ADAMTSL3: variants seen among roughly 807,000 people sequenced by gnomAD.
ADAMTSL3 encodes ADAMTS like 3.
ADAMTSL3 carries 128 observed loss-of-function variants against 201.7 expected under a neutral mutation model. The observed-to-expected ratio is 0.63, with a 90% CI of 0.55 to 0.73. ADAMTSL3 has a LOEUF of 0.73. Among genes scored for constraint, ADAMTSL3 ranks in the 30% least tolerant of loss-of-function variants. The pLI is 0.00. For missense variants in ADAMTSL3, 1,990 were observed against 2,119.6 expected (o/e 0.94, Z 1.20); for synonymous variants, 738 against 748.4 (o/e 0.99, Z 0.23).
chr15:84,029,389 T>C (rs1025587480), intron 27 of ADAMTSL3, among the ~76,000 whole-genome samples: 2 of 152,222 alleles, frequency 1.3e-5, no homozygotes, highest in African/African-American at 4.8e-5. Flanking sequence ...GCAAAGAGAA[T>C]GGAGGCATTT....
chr15:83,806,899 T>C (rs1470654515), intron 5 of ADAMTSL3, among the ~76,000 whole-genome samples: 3 of 152,010 alleles, frequency 2.0e-5, no homozygotes, highest in East Asian at 1.9e-4. Context: ...CAAGAAACTT[T>C]AGAAAGCAAA....
chr15:83,852,514 T>C (rs752417612), intron 7 of ADAMTSL3, among the ~76,000 whole-genome samples: 60 of 152,374 alleles, frequency 3.9e-4, no homozygotes, highest in Non-Finnish European at 7.3e-4. Flanking sequence ...TTACAACAAC[T>C]TTGTACTTTT....
chr15:83,747,675 C>G (rs549804447), intron 3 of ADAMTSL3, among the ~76,000 whole-genome samples: 2 of 152,236 alleles, frequency 1.3e-5, no homozygotes, highest in Admixed American at 1.3e-4. Flanking sequence ...TTGGCCCTAA[C>G]TGTTCATCAT....
intron 6 of ADAMTSL3, among the ~76,000 whole-genome samples, chr15:83,835,425 T>G (rs2064248887): frequency 6.6e-6 from 1 of 152,048 alleles, no homozygotes; most frequent in African/African-American, 2.4e-5. Flanking sequence ...TTGGATGAAT[T>G]GTAACTTAAA....
At chr15:83,973,593 T>G (rs1338937926) in intron 20 of ADAMTSL3, among the ~76,000 whole-genome samples, 3 of 152,224 alleles carry the variant, frequency 2.0e-5, no homozygotes, top group African/African-American at 7.2e-5. Flanking sequence ...CTTTGTGCCC[T>G]ATTTTCTAAG....
chr15:83,787,425 G>T (rs2063282109), intron 4 of ADAMTSL3, among the ~76,000 whole-genome samples: 1 of 152,276 alleles, frequency 6.6e-6, no homozygotes, highest in South Asian at 2.1e-4. Context: ...CATGACTATA[G>T]TATGGGTCTG....
At chr15:83,723,810 G>A (rs1008504762) in intron 3 of ADAMTSL3, among the ~76,000 whole-genome samples, 1 of 152,016 alleles carries the variant, frequency 6.6e-6, no homozygotes, top group Non-Finnish European at 1.5e-5. Context: ...TCTTTTAAAT[G>A]TATTCTCCAG....
At chr15:83,666,028 A>T (rs1567058994) in intron 2 of ADAMTSL3, among the ~76,000 whole-genome samples, 1 of 152,304 alleles carries the variant, frequency 6.6e-6, no homozygotes, top group East Asian at 1.9e-4. Context: ...ACAGGAAGGG[A>T]CAATGATGAA....
At chr15:83,884,293 A>G (rs1392118966) in intron 9 of ADAMTSL3, among the ~76,000 whole-genome samples, 1 of 149,740 alleles carries the variant, frequency 6.7e-6, no homozygotes, top group Non-Finnish European at 1.5e-5. Flanking sequence ...GAATGGCTAG[A>G]TGGAACTAAT....
intron 6 of ADAMTSL3, among the ~76,000 whole-genome samples, chr15:83,828,219 T>G (rs2064069165): frequency 6.6e-6 from 1 of 152,202 alleles, no homozygotes; most frequent in African/African-American, 2.4e-5. Flanking sequence ...TGGTTTGTAG[T>G]TCTCCTTGAA....
At chr15:83,998,098 G>A (rs2067721832) in intron 23 of ADAMTSL3, among the ~76,000 whole-genome samples, 1 of 151,884 alleles carries the variant, frequency 6.6e-6, no homozygotes, top group African/African-American at 2.4e-5. Context: ...AGTTCTTGGA[G>A]CTGCAATATC....
intron 28 of ADAMTSL3, among the ~76,000 whole-genome samples, chr15:84,035,516 C>G (rs546988633): frequency 6.6e-6 from 1 of 152,320 alleles, no homozygotes; most frequent in Admixed American, 6.5e-5. Flanking sequence ...ACACCCACCT[C>G]TTCCATATAT....
chr15:83,822,494 A>G (rs2063902169), intron 6 of ADAMTSL3, among the ~76,000 whole-genome samples: 2 of 140,946 alleles, frequency 1.4e-5, no homozygotes, highest in African/African-American at 5.9e-5. Context: ...GGCCGGGCAG[A>G]GACGCTCCTC....
intron 6 of ADAMTSL3, among the ~76,000 whole-genome samples, chr15:83,836,718 A>G (rs2064276230): frequency 6.6e-6 from 1 of 152,206 alleles, no homozygotes; most frequent in Non-Finnish European, 1.5e-5. Flanking sequence ...TTCTCACTGA[A>G]TCATCACTAG....
chr15:83,947,876 T>C (rs2066683227), intron 19 of ADAMTSL3, among the ~76,000 whole-genome samples: 1 of 152,176 alleles, frequency 6.6e-6, no homozygotes, highest in Non-Finnish European at 1.5e-5. Flanking sequence ...CCATCTAGTT[T>C]ATATCCTCAT....
intron 7 of ADAMTSL3, among the ~76,000 whole-genome samples, chr15:83,850,473 T>C (rs1567188445): frequency 6.6e-6 from 1 of 150,392 alleles, no homozygotes; most frequent in East Asian, 1.9e-4. Context: ...TATATGTGTA[T>C]GTATATGGGT....
At chr15:83,803,444 C>A (rs2063554249) in intron 4 of ADAMTSL3, among the ~76,000 whole-genome samples, 1 of 152,042 alleles carries the variant, frequency 6.6e-6, no homozygotes, top group South Asian at 2.1e-4. Context: ...GAAATAGTAT[C>A]TGTTGACTTT....
rs557554361 is a variant in ADAMTSL3 at position 83,838,254 on chromosome 15, G to A, written c.727+39G>A. The A allele has an allele frequency of 8.6e-5, 137 of 1,601,364 alleles. 2 individuals carry two copies. The South Asian group carries it at 1.4e-3, about 16-fold the overall frequency. On this transcript the variant is annotated intron_variant, in intron 7 of 29. Coordinates refer to ENST00000286744, the MANE Select transcript of ADAMTSL3 (RefSeq NM_207517.3). Reference sequence around the variant, plus strand: ...CCAATACGTTATTACCATCATACAAGATATATTTTAGACTGTCTATTGCTA... The same window carrying A: ...CCAATACGTTATTACCATCATACAAAATATATTTTAGACTGTCTATTGCTA...
At chr15:83,780,564 G>T (rs1567140332) in intron 4 of ADAMTSL3, among the ~76,000 whole-genome samples, 2 of 152,152 alleles carry the variant, frequency 1.3e-5, no homozygotes, top group African/African-American at 4.8e-5. Context: ...AGACAAAGAT[G>T]CCCTCTCTCA....
Sources: allele counts gnomAD v4.1 joint callset (sites outside exome capture counted in the v4.1 genomes callset), GRCh38; gene constraint gnomAD v4.1.1; transcripts MANE v1.5; gene names NCBI Gene and HGNC (gene_info 2026-07-23, HGNC 2026-07-21).